The following RERE variants were observed in gnomAD, a reference collection of about 807,000 sequenced individuals.
RERE encodes arginine-glutamic acid dipeptide repeats.
In RERE, 40 loss-of-function variants were observed where a neutral mutation model predicts 146.1. That is an observed-to-expected ratio of 0.27 (90% CI 0.21 to 0.36). The LOEUF (loss-of-function observed/expected upper bound fraction) is 0.36. RERE is among the 10% of genes least tolerant of loss of function. The probability of loss-of-function intolerance (pLI) is 1.00; values close to 1 mark genes in which losing one functional copy is unlikely to be tolerated. For missense variants in RERE, 1,933 were observed against 2,138.7 expected (o/e 0.90, Z 1.90); for synonymous variants, 1,003 against 866.0 (o/e 1.16, Z -2.78).
At chr1:8,691,232 T>C (rs1469329219) in intron 1 of RERE, among the ~76,000 whole-genome samples, 1 of 152,154 alleles carries the variant, frequency 6.6e-6, no homozygotes, top group African/African-American at 2.4e-5. Context: ...CAAAGGAAAC[T>C]TGATGAGTTA....
Position 8,687,258 on chromosome 1 carries a change from CT to C in RERE, c.-144-30818del, listed in dbSNP as rs1262935330. Among the ~76,000 whole-genome samples the C allele has an allele frequency of 2.6e-5, 4 of 152,242 alleles. No homozygotes were observed. The South Asian group carries it at 8.3e-4, about 32-fold the overall frequency. On this transcript the variant is annotated intron_variant, in intron 1 of 22. Transcript: ENST00000400908. The stretch of plus-strand genomic sequence containing the variant: ...GCGCCTCAGAGAGTTCCCTGAACAG[CT>C]GGTCTATACACAAGCAGTGGGGAAA...
chr1:8,803,917 T>G (rs946346437), intron 1 of RERE, among the ~76,000 whole-genome samples: 3 of 152,144 alleles, frequency 2.0e-5, no homozygotes, highest in Non-Finnish European at 4.4e-5. Context: ...GACTAAATTC[T>G]CACTAAGCTA....
chr1:8,545,982 CTT>C (rs3050828), intron 6 of RERE, among the ~76,000 whole-genome samples: 438 of 69,414 alleles, frequency 6.3e-3, no homozygotes, highest in East Asian at 0.014. Flanking sequence ...CATACCCAGT[CTT>C]TTTTTTTTTT....
At position 8,526,595 on chromosome 1, in the gene RERE, T is replaced by C. The variant is rs1333831283; in HGVS notation, c.830+14619A>G. ...GCAGGGTAGCTAAAGAAAACTGTAT[T>C]TTCTGCAAACAGCTTAATCTTCCTT... is the stretch of plus-strand genomic sequence containing the variant. On this transcript the variant is annotated intron_variant, in intron 7 of 22. Coordinates refer to ENST00000400908, the MANE Select transcript of RERE (RefSeq NM_001042681.2). Among the ~76,000 whole-genome samples the C allele has an allele frequency of 2.0e-5, 3 of 152,152 alleles. No individual in the cohort carries two copies. The East Asian group carries it at 5.8e-4, about 29-fold the overall frequency.
At chr1:8,508,806 C>A in intron 7 of RERE, 131 bp from the exon 8 acceptor site, 1 of 702,692 alleles carries the variant, frequency 1.4e-6, no homozygotes, top group Non-Finnish European at 2.5e-6. Context: ...GTCCCCACTA[C>A]TTCTAATGTT....
chr1:8,602,778 G>A (rs892308970), intron 4 of RERE, among the ~76,000 whole-genome samples: 4 of 152,090 alleles, frequency 2.6e-5, no homozygotes, highest in Non-Finnish European at 2.9e-5. Flanking sequence ...TATCCTTTGT[G>A]TTAACAGTCC....
intron 10 of RERE, among the ~76,000 whole-genome samples, chr1:8,470,229 A>C (rs1644662164): frequency 6.6e-6 from 1 of 152,128 alleles, no homozygotes; most frequent in Admixed American, 6.6e-5. Flanking sequence ...TCTGAGAAGT[A>C]AAAAGTGTGG....
chr1:8,539,413 C>CA (rs1645770073), intron 7 of RERE, among the ~76,000 whole-genome samples: 4 of 144,614 alleles, frequency 2.8e-5, no homozygotes, highest in African/African-American at 5.1e-5. Flanking sequence ...TTTTTTTTTT[C>CA]TTTTTTTCTC....
At chr1:8,463,702 G>C (rs1644557777) in intron 11 of RERE, among the ~76,000 whole-genome samples, 1 of 152,220 alleles carries the variant, frequency 6.6e-6, no homozygotes, top group African/African-American at 2.4e-5. Flanking sequence ...GTGAGGAGTG[G>C]GGAGGGTGGG....
intron 11 of RERE, among the ~76,000 whole-genome samples, chr1:8,425,400 A>C (rs944877904): frequency 2.6e-5 from 4 of 152,214 alleles, no homozygotes; most frequent in African/African-American, 9.6e-5. Context: ...GCAGCTCATC[A>C]GTGCAGCAAG....
At chr1:8,557,802 C>A (rs1280272942) in intron 4 of RERE, among the ~76,000 whole-genome samples, 3 of 152,166 alleles carry the variant, frequency 2.0e-5, no homozygotes, top group African/African-American at 7.2e-5. Flanking sequence ...CCCAGTTTAA[C>A]TAATCCATTC....
intron 1 of RERE, among the ~76,000 whole-genome samples, chr1:8,736,080 G>T (rs1640190473): frequency 1.3e-5 from 2 of 152,218 alleles, no homozygotes; most frequent in Admixed American, 1.3e-4. Context: ...TATGGTAAAT[G>T]TATACGCTAT....
At chr1:8,370,081 T>C (rs1365932536) in intron 12 of RERE, among the ~76,000 whole-genome samples, 1 of 151,984 alleles carries the variant, frequency 6.6e-6, no homozygotes, top group Non-Finnish European at 1.5e-5. Flanking sequence ...TGAGCCACCG[T>C]GCCCAGCCAG....
intron 2 of RERE, among the ~76,000 whole-genome samples, chr1:8,645,374 A>G (rs961544034): frequency 6.6e-6 from 1 of 152,094 alleles, no homozygotes; most frequent in African/African-American, 2.4e-5. Flanking sequence ...TTTTTCTCTA[A>G]TTTTTGATCT....
At chr1:8,458,854 C>T (rs1026855444) in intron 11 of RERE, among the ~76,000 whole-genome samples, 1 of 152,224 alleles carries the variant, frequency 6.6e-6, no homozygotes, top group Admixed American at 6.5e-5. Flanking sequence ...CCAGAGGCGA[C>T]TTCTACTGAC....
At chr1:8,429,310 G>T (rs895804818) in intron 11 of RERE, among the ~76,000 whole-genome samples, 1 of 152,228 alleles carries the variant, frequency 6.6e-6, no homozygotes, top group Non-Finnish European at 1.5e-5. Context: ...GTGGGCCTAG[G>T]AATGGAGCCG....
chr1:8,519,240 CCCAACCAA>C (rs201149712), intron 7 of RERE, among the ~76,000 whole-genome samples: 1 of 151,952 alleles, frequency 6.6e-6, no homozygotes, highest in East Asian at 1.9e-4. Flanking sequence ...AAACAAAAAA[CCCAACCAA>C]CCAACCAAAC....
chr1:8,694,971 T>A (rs1336905921), intron 1 of RERE, among the ~76,000 whole-genome samples: 1 of 8,290 alleles, frequency 1.2e-4, no homozygotes, highest in African/African-American at 3.7e-4. Flanking sequence ...AAAGAAATCC[T>A]AAGGGGGGGG....
At chr1:8,740,765 GT>G (rs1376897866) in intron 1 of RERE, among the ~76,000 whole-genome samples, 3 of 152,176 alleles carry the variant, frequency 2.0e-5, no homozygotes, top group Non-Finnish European at 2.9e-5. Flanking sequence ...ACCGCCACAT[GT>G]TGGACCAATG....
Sources: allele counts gnomAD v4.1 joint callset (sites outside exome capture counted in the v4.1 genomes callset), GRCh38; gene constraint gnomAD v4.1.1; transcripts MANE v1.5; gene names NCBI Gene and HGNC (gene_info 2026-07-23, HGNC 2026-07-21).